CD276: variants seen among roughly 807,000 people sequenced by gnomAD.
CD276 encodes the protein CD276 antigen.
In CD276, 34 loss-of-function variants were observed where a neutral mutation model predicts 50.0. The ratio of observed to expected loss-of-function variants is 0.68; its 90% CI spans 0.52 to 0.91. The LOEUF is 0.91. Among genes scored for constraint, CD276 ranks in the 40% least tolerant of loss-of-function variants. The pLI is 0.00. For synonymous variants in CD276, 275 were observed against 313.0 expected (o/e 0.88, Z 1.28); for missense variants, 634 against 717.5 (o/e 0.88, Z 1.33).
intron 8 of CD276, among the ~76,000 whole-genome samples, chr15:73,710,732 AAGAGTGTGGGTGATGG>A (rs1900863287): frequency 6.6e-6 from 1 of 152,066 alleles, no homozygotes; most frequent in Non-Finnish European, 1.5e-5. Context: ...GAGTGAGGAG[AAGAGTGTGGGTGATGG>A]AGTTGGTCAG....
chr15:73,713,913 G>A lies in CD276; in HGVS notation c.*957G>A. ...TGGGGGCCCTGCGTGGGAAGATAAA[G>A]TTCCTCCCTCAAGGACTCCCCATCC... On this transcript the variant is annotated 3_prime_UTR_variant, in exon 10 of 10. Transcript: ENST00000318443. 2.6e-6 allele frequency: 1 copy of A among 384,460 alleles called. No individual in the cohort carries two copies. The highest frequency in any genetic ancestry group is 1.9e-5 in the South Asian group (1 of 53,304). 23.8% of individuals were successfully genotyped at this position (384,460 alleles called of 1,614,324 possible).
chr15:73,710,962 G>A (rs926186081), intron 8 of CD276, among the ~76,000 whole-genome samples, 173 bp from the exon 9 acceptor site: 2 of 152,182 alleles, frequency 1.3e-5, no homozygotes, highest in Non-Finnish European at 2.9e-5. Flanking sequence ...ACTGGGACCT[G>A]GGACTGGGGC....
chr15:73,697,957 AT>A (rs1429228093), intron 1 of CD276, among the ~76,000 whole-genome samples: 25 of 152,286 alleles, frequency 1.6e-4, no homozygotes, highest in Middle Eastern at 3.4e-3. Context: ...AATCATTTCT[AT>A]TCTTGTTGAT....
rs945366338 is a variant in CD276 at position 73,704,886 on chromosome 15, C to T, written c.1369+414C>T. Among the ~76,000 whole-genome samples the T allele has an allele frequency of 2.0e-5, 3 of 152,160 alleles. No individual in the cohort carries two copies. Among genetic ancestry groups the T allele is most frequent in the African/African-American group, 4.8e-5 (2 of 41,432 alleles). ...TCTGAAGCCTGAGTGACAGCTGGCC[C>T]TCCCTAGTTAGTCCCCAACACCTGA... On this transcript the variant is annotated intron_variant, in intron 6 of 9. Transcript: ENST00000318443. The surrounding 1 kb of genome is among the most constrained non-coding windows in gnomAD (Gnocchi z 4.1).
At chr15:73,684,077 C>T (rs934552878), upstream of CD276, 1 of 152,338 alleles carries the variant, frequency 6.6e-6, no homozygotes, top group Non-Finnish European at 1.5e-5. Context: ...AGTCACCTAT[C>T]CCCTCTCGCA....
chr15:73,698,399 C>T (rs1423447687), intron 1 of CD276, among the ~76,000 whole-genome samples: 1 of 152,134 alleles, frequency 6.6e-6, no homozygotes, highest in Non-Finnish European at 1.5e-5. Flanking sequence ...AATGCTCCAC[C>T]CTGTCACTGA....
At chr15:73,686,886 A>G (rs1195985890) in intron 1 of CD276, among the ~76,000 whole-genome samples, 1 of 152,160 alleles carries the variant, frequency 6.6e-6, no homozygotes, top group Non-Finnish European at 1.5e-5. Context: ...TCAGGGAAAG[A>G]GGAAAAATGG....
chr15:73,686,641 C>G (rs1419497054), intron 1 of CD276, among the ~76,000 whole-genome samples: 2 of 152,110 alleles, frequency 1.3e-5, no homozygotes, highest in African/African-American at 2.4e-5. Flanking sequence ...TTGAGTTTGA[C>G]AAGGAGCTGG....
Position 73,702,897 on chromosome 15 carries a change from C to T in CD276, c.544C>T (p.Gln182Ter), listed in dbSNP as rs199719127. 6.2e-7 allele frequency: 1 copy of T among 1,614,078 alleles called. No homozygotes were observed. The highest frequency in any genetic ancestry group is 1.1e-5 in the South Asian group (1 of 91,088). Residue 182 changes from glutamine (Q) to a stop codon, truncating the protein, a stop_gained, in exon 4 of 10, where the codon CAG becomes TAG. Coordinates refer to ENST00000318443, the MANE Select transcript of CD276 (RefSeq NM_001024736.2). LOFTEE classifies it high-confidence loss of function. ...PEAEVFWQDG[Q>*]GVPLTGNVTT... ...GGCTGAGGTGTTCTGGCAGGATGGG[C>T]AGGGTGTGCCCCTGACTGGCAACGT... is the stretch of plus-strand genomic sequence containing the variant.
chr15:73,689,188 C>CTGTGTGTGTGTGTG (rs58196751), intron 1 of CD276, among the ~76,000 whole-genome samples: 1,520 of 142,662 alleles, frequency 0.011, 17 homozygotes, highest in African/African-American at 0.022. Context: ...TCTGTGCCTC[C>CTGTGTGTGTGTGTG]TGTGTGTGTG....
chr15:73,711,118 C>A lies in CD276; in HGVS notation c.1547-17C>A. 1 of 1,613,638 alleles carries A rather than the reference C, an allele frequency of 6.2e-7. No homozygotes were observed. The highest frequency in any genetic ancestry group is 2.2e-5 in the East Asian group (1 of 44,876). On this transcript the variant is annotated splice_polypyrimidine_tract_variant and intron_variant, in intron 8 of 9. Coordinates refer to ENST00000318443, the MANE Select transcript of CD276 (RefSeq NM_001024736.2). The stretch of plus-strand genomic sequence containing the variant: ...CATGGTTCCTCCCTCACCGTGTGCG[C>A]CTTCCTTTTTTTACAGCCCTGCAGC...
intron 2 of CD276, among the ~76,000 whole-genome samples, chr15:73,701,227 A>C (rs1384703590): frequency 6.6e-6 from 1 of 151,708 alleles, no homozygotes; most frequent in Non-Finnish European, 1.5e-5. Flanking sequence ...TAAACCTTGA[A>C]TCTGATCCCT....
intron 2 of CD276, among the ~76,000 whole-genome samples, chr15:73,700,469 C>T (rs568520411): frequency 1.3e-5 from 2 of 152,296 alleles, no homozygotes; most frequent in African/African-American, 4.8e-5. Flanking sequence ...TGTCTCTACC[C>T]ACGGCTGCTC....
Position 73,699,569 on chromosome 15 carries a change from C to G in CD276, c.-54-17C>G, listed in dbSNP as rs1296284930. On this transcript the variant is annotated splice_polypyrimidine_tract_variant and intron_variant, in intron 1 of 9. Coordinates refer to ENST00000318443, the MANE Select transcript of CD276 (RefSeq NM_001024736.2). ...AGAACCTTTGGAGACAAAGGCCTTG[C>G]GTCCTCTTTCTCCCAGGCAGGGGCA... The G allele has an allele frequency of 6.3e-7, 1 of 1,579,324 alleles. No homozygotes were observed. The highest frequency in any genetic ancestry group is 1.1e-5 in the South Asian group (1 of 87,078).
In CD276 at chr15:73,703,641, C is replaced by T. The variant is rs1900506960; in HGVS notation, c.734-18C>T. ...CCCATTTCTCCTCACCACCCTGCCC[C>T]TCTGACCCCGCCCCCAGGAGCCGTG... is the stretch of plus-strand genomic sequence containing the variant. On this transcript the variant is annotated intron_variant, in intron 4 of 9. Transcript: ENST00000318443. 1.9e-6 allele frequency: 3 copies of T among 1,592,096 alleles called. No individual in the cohort carries two copies. The highest frequency in any genetic ancestry group is 2.6e-6 in the Non-Finnish European group (3 of 1,168,578).
In CD276 at chr15:73,704,287, T is replaced by G; in HGVS notation, c.1184T>G (p.Phe395Cys). 6.2e-7 allele frequency: 1 copy of G among 1,614,034 alleles called. No individual in the cohort carries two copies. Among genetic ancestry groups the G allele is most frequent in the Middle Eastern group, 1.7e-4 (1 of 5,970 alleles). Residue 395 changes from phenylalanine (F) to cysteine (C), a missense_variant, in exon 6 of 10, where the codon TTC (phenylalanine) becomes TGC (cysteine). Coordinates refer to ENST00000318443, the MANE Select transcript of CD276 (RefSeq NM_001024736.2). This position sits in a 1 kb window ranked among gnomAD's most constrained non-coding sequence, Gnocchi z 4.1. ...SYRGYPEAEV[F>C]WQDGQGVPLT... Reference sequence around the variant, plus strand: ...CGGGGCTACCCTGAGGCTGAGGTGTTCTGGCAGGATGGGCAGGGTGTGCCC... The same window carrying G: ...CGGGGCTACCCTGAGGCTGAGGTGTGCTGGCAGGATGGGCAGGGTGTGCCC...
chr15:73,705,774 T>A (rs1054106438), intron 6 of CD276, among the ~76,000 whole-genome samples: 1 of 151,930 alleles, frequency 6.6e-6, no homozygotes, highest in Admixed American at 6.6e-5. Context: ...AAATGGGAGC[T>A]GAGAAGGCCT....
In CD276 at chr15:73,708,451, G is replaced by A. The variant is rs1160107059; in HGVS notation, c.1482G>A (p.Gln494=). The A allele has an allele frequency of 6.2e-7, 1 of 1,613,776 alleles. No homozygotes were observed. Among genetic ancestry groups the A allele is most frequent in the Non-Finnish European group, 8.5e-7 (1 of 1,179,874 alleles). ...LAFVCWRKIK[Q]SCEEENAGAE... ...TCGTGTGCTGGAGAAAGATCAAACAGAGCTGTGAGGAGGAGAATGCAGGTG... is the reference window on the plus strand; with the variant it reads ...TCGTGTGCTGGAGAAAGATCAAACAAAGCTGTGAGGAGGAGAATGCAGGTG... Residue 494 remains glutamine, a synonymous_variant, in exon 7 of 10, where the codon CAG becomes CAA. Coordinates refer to ENST00000318443, the MANE Select transcript of CD276 (RefSeq NM_001024736.2).
chr15:73,704,158 G>A lies in CD276; in HGVS notation c.1073-18G>A. The A allele has an allele frequency of 6.2e-7, 1 of 1,605,214 alleles. No homozygotes were observed. Among genetic ancestry groups the A allele is most frequent in the East Asian group, 2.2e-5 (1 of 44,512 alleles). Reference sequence around the variant, plus strand: ...TGCCATTGCCCTGCCCTTGACCCCTGCCCTCTGTCACCTCCAGCTCCCTAC... The same window carrying A: ...TGCCATTGCCCTGCCCTTGACCCCTACCCTCTGTCACCTCCAGCTCCCTAC... On this transcript the variant is annotated intron_variant, in intron 5 of 9. Transcript: ENST00000318443. This position sits in a 1 kb window ranked among gnomAD's most constrained non-coding sequence, Gnocchi z 4.1.
Sources: allele counts gnomAD v4.1 joint callset (sites outside exome capture counted in the v4.1 genomes callset), GRCh38; gene constraint gnomAD v4.1.1; non-coding constraint Gnocchi (gnomAD v3.1); transcripts MANE v1.5; gene names NCBI Gene and HGNC (gene_info 2026-07-23, HGNC 2026-07-21).